The following SHOX2 variants were observed in gnomAD, a reference collection of about 807,000 sequenced individuals.
The protein encoded by SHOX2 is SHOX homeobox 2.
SHOX2 carries 13 observed loss-of-function variants against 31.3 expected under a neutral mutation model. The ratio of observed to expected loss-of-function variants is 0.42; its 90% confidence interval spans 0.27 to 0.66. SHOX2 has a LOEUF of 0.66. Among genes scored for constraint, SHOX2 ranks in the 30% least tolerant of loss-of-function variants. The probability of loss-of-function intolerance (pLI) is 0.27; values close to 1 mark genes in which losing one functional copy is unlikely to be tolerated. For synonymous variants in SHOX2, 244 were observed against 196.2 expected (o/e 1.24, Z -2.04); for missense variants, 473 against 443.0 (o/e 1.07, Z -0.61).
rs1478858921 is a variant in SHOX2, at chr3:158,097,481, G to T, written c.*546C>A. 1 of 152,118 alleles carries T rather than the reference G, an allele frequency of 6.6e-6. No homozygotes were observed. The highest frequency in any genetic ancestry group is 1.5e-5 in the Non-Finnish European group (1 of 68,068). 9.4% of individuals were successfully genotyped at this position (152,118 alleles called of 1,614,324 possible). On this transcript the variant is annotated 3_prime_UTR_variant, in exon 5 of 5. Coordinates refer to ENST00000483851, the MANE Select transcript of SHOX2 (RefSeq NM_001163678.2). ...CCCCAGTCTCTCGAGAATCGTCTGG[G>T]TTGTTTTTCCATATTTTTAAATGTA...
chr3:158,102,944 GCACACA>G (rs1387919209), intron 1 of SHOX2, 58 bp from the exon 2 acceptor site: 2 of 1,280,968 alleles, frequency 1.6e-6, no homozygotes, highest in Non-Finnish European at 2.3e-6. Context: ...ACACACACAC[GCACACA>G]CACACGGACG....
intron 1 of SHOX2, 68 bp downstream of exon 1, chr3:158,105,611 T>C: frequency 7.0e-7 from 1 of 1,418,650 alleles, no homozygotes; most frequent in Non-Finnish European, 9.4e-7. Flanking sequence ...CTCGGAGTCC[T>C]CTCCCGCCCG....
intron 2 of SHOX2, 91 bp from the exon 3 acceptor site, chr3:158,100,402 G>A: frequency 2.2e-6 from 2 of 921,700 alleles, no homozygotes; most frequent in African/African-American, 1.7e-5. Context: ...AAAGAGTCGT[G>A]GTTTAGACAA....
chr3:158,101,273 T>C (rs565997083), intron 2 of SHOX2, among the ~76,000 whole-genome samples: 3 of 152,358 alleles, frequency 2.0e-5, no homozygotes, highest in Admixed American at 1.3e-4. Context: ...GCAAGTGTCA[T>C]AGTCAATGTA....
Position 158,102,689 on chromosome 3 carries a change from C to T in SHOX2, c.544G>A (p.Ala182Thr), listed in dbSNP as rs748734640. 4.3e-6 allele frequency: 7 copies of T among 1,613,974 alleles called. No homozygotes were observed. Among genetic ancestry groups the T allele is most frequent in the African/African-American group, 1.3e-5 (1 of 74,916 alleles). ...ELSQRLGLSE[A>T]RVQVWFQNRR... Reference sequence around the variant, plus strand: ...TGGCAGCTGGGTACCTGCACTCGGGCCTCCGACAGGCCCAGTCGCTGGCTC... The same window carrying T: ...TGGCAGCTGGGTACCTGCACTCGGGTCTCCGACAGGCCCAGTCGCTGGCTC... Residue 182 changes from alanine to threonine, a missense_variant, in exon 2 of 5, where the codon GCC becomes ACC. Ala to Thr is a moderately conservative substitution (Grantham distance 58). This residue lies in a region of SHOX2 where 15 missense variants were observed against 45.8 expected (regional missense o/e 0.33). Transcript: ENST00000483851.
In SHOX2 at chr3:158,096,453, G is replaced by C. The variant is rs866275904; in HGVS notation, c.*1574C>G. 1 of 150,512 alleles carries C rather than the reference G, an allele frequency of 6.6e-6. No individual in the cohort carries two copies. Among genetic ancestry groups the C allele is most frequent in the Non-Finnish European group, 1.5e-5 (1 of 67,666 alleles). 9.3% of individuals were successfully genotyped at this position (150,512 alleles called of 1,614,324 possible). A position where few individuals can be genotyped will look rare whatever the true frequency, so the allele number is the denominator to read the frequency against. On this transcript the variant is annotated 3_prime_UTR_variant, in exon 5 of 5. Transcript: ENST00000483851. ...AGAAACAAACAAACAAAAAAAAAAG[G>C]TTACTTGAATAGATACACCTTTGTG...
intron 1 of SHOX2, chr3:158,105,020 A>ACCCCCCCCCCCCCCACCCCCC: frequency 3.4e-6 from 1 of 290,754 alleles, no homozygotes; most frequent in Admixed American, 4.9e-5. Context: ...ATAGATCCCC[A>ACCCCCCCCCCCCCCACCCCCC]CCTCCCCCGC....
In SHOX2 at chr3:158,098,042, T is replaced by C; in HGVS notation, c.945A>G (p.Ala315=). 6.2e-7 allele frequency: 1 copy of C among 1,604,060 alleles called. No homozygotes were observed. The highest frequency in any genetic ancestry group is 8.5e-7 in the Non-Finnish European group (1 of 1,173,890). The change falls in exon 5 of 5, where the codon GCA becomes GCG. Residue 315 remains alanine, a synonymous_variant. Transcript: ENST00000483851. ...GGCGTTGGCGTCACAGACCCAGGGC[T>C]GCGGCGTGCTTTTTGGCTTTCAGTC... is the stretch of plus-strand genomic sequence containing the variant. ...DLRLKAKKHA[A]ALGL is the part of the protein sequence containing the mutation.
chr3:158,097,891 G>T lies in SHOX2; in HGVS notation c.*136C>A. ...TTTCCGAGTCCAAGATGCGATAGGG[G>T]ACGAGGGATGGTCAGTGAGGCGGGA... On this transcript the variant is annotated 3_prime_UTR_variant, in exon 5 of 5. Coordinates refer to ENST00000483851, the MANE Select transcript of SHOX2 (RefSeq NM_001163678.2). The T allele has an allele frequency of 8.7e-7, 1 of 1,145,684 alleles. No individual in the cohort carries two copies. The highest frequency in any genetic ancestry group is 1.2e-6 in the Non-Finnish European group (1 of 809,864). The allele number at this position is 1,145,684 out of a possible 1,614,324, so 71.0% of individuals were successfully genotyped here. A position where few individuals can be genotyped will look rare whatever the true frequency, so the allele number is the denominator to read the frequency against.
intron 3 of SHOX2, 83 bp downstream of exon 3, chr3:158,100,171 T>C: frequency 8.2e-7 from 1 of 1,216,032 alleles, no homozygotes; most frequent in Non-Finnish European, 1.2e-6. Context: ...TTGAGGTTCC[T>C]TTTTTTCTGT....
chr3:158,100,103 A>G (rs1713398991), intron 3 of SHOX2, 151 bp downstream of exon 3: 1 of 890,420 alleles, frequency 1.1e-6, no homozygotes, highest in African/African-American at 1.7e-5. Flanking sequence ...TTACTCCCAA[A>G]CTTTAGGACT....
In SHOX2 at chr3:158,098,142, G is replaced by A. The variant is rs1466267022; in HGVS notation, c.845C>T (p.Ala282Val). 1 of 1,613,436 alleles carries A rather than the reference G, an allele frequency of 6.2e-7. No homozygotes were observed. Among genetic ancestry groups the A allele is most frequent in the South Asian group, 1.1e-5 (1 of 91,024 alleles). The stretch of plus-strand genomic sequence containing the variant: ...GGCCGCCACTACCGAGGCGGCGGAA[G>A]CCGAATCCGCGGCCAGCGTGGCGAG... ...LPLATLAADSASAASVVAAAA... is the reference protein window; with the variant it reads ...LPLATLAADSVSAASVVAAAA... The change falls in exon 5 of 5, where the codon GCT (alanine) becomes GTT (valine). Residue 282 changes from alanine to valine, a missense_variant. Physicochemically the swap from Ala to Val is moderately conservative, Grantham distance 64 (BLOSUM62 0). Around this residue, in one of 3 missense-constraint regions of SHOX2, gnomAD observed 182 missense variants for 167.2 expected, o/e 1.09. Coordinates refer to ENST00000483851, the MANE Select transcript of SHOX2 (RefSeq NM_001163678.2).
rs773171591 is a variant in SHOX2, at chr3:158,105,684, G to A, written c.341C>T (p.Thr114Met). The A allele has an allele frequency of 2.6e-6, 4 of 1,522,258 alleles. No homozygotes were observed. The highest frequency in any genetic ancestry group is 1.2e-5 in the South Asian group (1 of 82,684). 94.3% of individuals were successfully genotyped at this position (1,522,258 alleles called of 1,614,324 possible). A position where few individuals can be genotyped will look rare whatever the true frequency, so the allele number is the denominator to read the frequency against. Residue 114 changes from threonine (T) to methionine (M), a missense_variant, in exon 1 of 5, where the codon ACG (threonine) becomes ATG (methionine). Thr to Met is a moderately conservative substitution (Grantham distance 81). Coordinates refer to ENST00000483851, the MANE Select transcript of SHOX2 (RefSeq NM_001163678.2). Reference protein sequence around the residue: ...RSREPGSPRLTEVSPELKDRK... With the variant: ...RSREPGSPRLMEVSPELKDRK... ...GGGGTCAGTCAGGTCGTTACCCTCC[G>A]TCAGTCGCGGGCTGCCCGGCTCCCT... is the stretch of plus-strand genomic sequence containing the variant.
intron 1 of SHOX2, chr3:158,103,128 T>G: frequency 1.8e-6 from 1 of 569,800 alleles, no homozygotes. Context: ...TGGGCAGTCA[T>G]CCACCACCTC....
At chr3:158,099,669 G>C (rs921658296) in intron 4 of SHOX2, among the ~76,000 whole-genome samples, 191 bp downstream of exon 4, 1 of 152,174 alleles carries the variant, frequency 6.6e-6, no homozygotes, top group East Asian at 1.9e-4. Context: ...GGACAGAAGG[G>C]ACTAGGCATT....
chr3:158,102,905 C>T lies in SHOX2; in HGVS notation c.347-19G>A. ...GGGGACACTGGAGGGGGCACCCCAGCGGGGCCACACGTGCATCCACACGAA... is the reference window on the plus strand; with the variant it reads ...GGGGACACTGGAGGGGGCACCCCAGTGGGGCCACACGTGCATCCACACGAA... On this transcript the variant is annotated intron_variant, in intron 1 of 4. Transcript: ENST00000483851. 6.2e-7 allele frequency: 1 copy of T among 1,609,334 alleles called. No homozygotes were observed.
intron 1 of SHOX2, among the ~76,000 whole-genome samples, chr3:158,104,634 A>G (rs2108130883): frequency 6.6e-6 from 1 of 152,338 alleles, no homozygotes; most frequent in African/African-American, 2.4e-5. Flanking sequence ...ATGCCACTCA[A>G]AGTTTTGGGG....
At position 158,106,307 on chromosome 3, in the gene SHOX2, A is replaced by C; in HGVS notation, c.-283T>G. 8 of 415,538 alleles carry C rather than the reference A, an allele frequency of 1.9e-5. No homozygotes were observed. The highest frequency in any genetic ancestry group is 6.3e-5 in the East Asian group (1 of 15,900). 25.7% of individuals were successfully genotyped at this position (415,538 alleles called of 1,614,324 possible). ...AGAGGGAGGAGGAGGAGGAGAAGAG[A>C]AGGGGCGGGGGCTGCCGGAGGGAAA... On this transcript the variant is annotated 5_prime_UTR_variant, in exon 1 of 5. Transcript: ENST00000483851.
At position 158,101,245 on chromosome 3, in the gene SHOX2, A is replaced by G. The variant is rs142428108; in HGVS notation, c.556-934T>C. On this transcript the variant is annotated intron_variant, in intron 2 of 4. Coordinates refer to ENST00000483851, the MANE Select transcript of SHOX2 (RefSeq NM_001163678.2). Reference sequence around the variant, plus strand: ...GTAAAAATACTGCTTCAGAGCTTTCATTGGTATGTTTTTGAAAGCAAGTGT... The same window carrying G: ...GTAAAAATACTGCTTCAGAGCTTTCGTTGGTATGTTTTTGAAAGCAAGTGT... 2.5e-3 allele frequency among the ~76,000 whole-genome samples: 380 copies of G among 152,328 alleles called. 3 individuals are homozygous for G. Among genetic ancestry groups the G allele is most frequent in the African/African-American group, 8.5e-3 (354 of 41,582 alleles).
Sources: allele counts gnomAD v4.1 joint callset (sites outside exome capture counted in the v4.1 genomes callset), GRCh38; gene constraint gnomAD v4.1.1; regional missense constraint gnomAD v4.1.1; transcripts MANE v1.5; gene names NCBI Gene and HGNC (gene_info 2026-07-23, HGNC 2026-07-21).